ARRB1: variants seen among roughly 807,000 people sequenced by gnomAD.
ARRB1 encodes beta-arrestin-1.
ARRB1 carries 21 observed loss-of-function variants against 56.8 expected under a neutral mutation model. The ratio of observed to expected loss-of-function variants is 0.37; its 90% CI spans 0.26 to 0.53. The LOEUF (loss-of-function observed/expected upper bound fraction) is 0.53, where lower values mean the gene tolerates loss of function less well. ARRB1 is among the 20% of genes least tolerant of loss of function. The pLI, the probability that ARRB1 is intolerant of heterozygous loss-of-function variation, is 0.88. For missense variants in ARRB1, 424 were observed against 553.7 expected, an observed-to-expected ratio of 0.77 and a Z score of 2.35; for synonymous variants, 210 against 218.6, an observed-to-expected ratio of 0.96 and a Z score of 0.35.
At position 75,265,946 on chromosome 11, in the gene ARRB1, G is replaced by A; in HGVS notation, c.*217C>T. 1 of 565,912 alleles carries A rather than the reference G, an allele frequency of 1.8e-6. No homozygotes were observed. Among genetic ancestry groups the A allele is most frequent in the Non-Finnish European group, 3.2e-6 (1 of 315,894 alleles). The allele number at this position is 565,912 out of a possible 1,614,324, so 35.1% of individuals were successfully genotyped here. On this transcript the variant is annotated 3_prime_UTR_variant, in exon 16 of 16. Coordinates refer to ENST00000420843, the MANE Select transcript of ARRB1 (RefSeq NM_004041.5). ...AAAGGAGGGGAGTGGAGATGGCAGA[G>A]ATGGGGTGGAGCCAGTGCGCTGTGG...
intron 14 of ARRB1, among the ~76,000 whole-genome samples, chr11:75,267,913 G>A (rs1479551937): frequency 6.6e-6 from 1 of 152,252 alleles, no homozygotes; most frequent in East Asian, 1.9e-4. Context: ...GGAGGGCCCC[G>A]GATCCCCACT....
At chr11:75,340,876 TGG>T (rs1194122748) in intron 1 of ARRB1, among the ~76,000 whole-genome samples, 1 of 152,094 alleles carries the variant, frequency 6.6e-6, no homozygotes, top group Non-Finnish European at 1.5e-5. Context: ...GAATCTGCCG[TGG>T]GTGAGGGGCC....
intron 1 of ARRB1, among the ~76,000 whole-genome samples, chr11:75,311,431 A>G (rs1434580701): frequency 6.6e-6 from 1 of 152,236 alleles, no homozygotes. Flanking sequence ...GGCTGTTGAG[A>G]AAGTTGCAGA....
At chr11:75,309,141 G>A (rs1342464355) in intron 1 of ARRB1, among the ~76,000 whole-genome samples, 6 of 152,260 alleles carry the variant, frequency 3.9e-5, no homozygotes, top group African/African-American at 1.4e-4. Flanking sequence ...CTCAGAAGGT[G>A]GCCTGGGGAG....
At chr11:75,271,489 T>C (rs1946073134) in intron 13 of ARRB1, 1 of 531,802 alleles carries the variant, frequency 1.9e-6, no homozygotes, top group Non-Finnish European at 3.3e-6. Flanking sequence ...CTTTGCTCTC[T>C]GTAAAGATCC....
chr11:75,314,194 G>C (rs1947222548), intron 1 of ARRB1, among the ~76,000 whole-genome samples: 1 of 152,212 alleles, frequency 6.6e-6, no homozygotes. Context: ...GAAACCATGG[G>C]TCCTGGCCAC....
intron 1 of ARRB1, among the ~76,000 whole-genome samples, chr11:75,328,253 C>T (rs58894572): frequency 3.0e-3 from 462 of 152,284 alleles, no homozygotes; most frequent in African/African-American, 0.011. Context: ...AAGGTTCGTC[C>T]ACTTTATAGC....
intron 8 of ARRB1, among the ~76,000 whole-genome samples, 170 bp from the exon 9 acceptor site, chr11:75,277,618 C>A (rs1221739164): frequency 1.3e-5 from 2 of 152,236 alleles, no homozygotes; most frequent in Non-Finnish European, 2.9e-5. Flanking sequence ...CAGGTTCATG[C>A]CCCCTCTGCC....
At chr11:75,284,568 A>G (rs1477535121) in intron 3 of ARRB1, among the ~76,000 whole-genome samples, 1 of 152,184 alleles carries the variant, frequency 6.6e-6, no homozygotes, top group Non-Finnish European at 1.5e-5. Flanking sequence ...CGAAACTCCT[A>G]GAACCAGGTA....
At chr11:75,315,051 T>TCCACCA (rs993391371) in intron 1 of ARRB1, among the ~76,000 whole-genome samples, 1 of 152,042 alleles carries the variant, frequency 6.6e-6, no homozygotes, top group Admixed American at 6.6e-5. Flanking sequence ...TAGTGCTGCT[T>TCCACCA]CCACCACCAC....
chr11:75,341,789 C>G (rs999678977), intron 1 of ARRB1, among the ~76,000 whole-genome samples: 1 of 152,230 alleles, frequency 6.6e-6, no homozygotes, highest in African/African-American at 2.4e-5. Context: ...GTCCCAAAGA[C>G]AGGACCAAGG....
intron 2 of ARRB1, among the ~76,000 whole-genome samples, chr11:75,289,617 A>C (rs1946557965): frequency 6.6e-6 from 1 of 152,198 alleles, no homozygotes; most frequent in South Asian, 2.1e-4. Context: ...CAAGGAAGCC[A>C]GGCCCTGGGA....
At chr11:75,266,370 C>G (rs1416156186) in intron 15 of ARRB1, 96 bp from the exon 16 acceptor site, 2 of 1,034,162 alleles carry the variant, frequency 1.9e-6, no homozygotes, top group African/African-American at 1.6e-5. Context: ...GAGTATGGCT[C>G]TGGGGCCGGG....
At chr11:75,309,552 G>A (rs494146) in intron 1 of ARRB1, among the ~76,000 whole-genome samples, 58,565 of 152,054 alleles carry the variant, frequency 0.39, 11,492 homozygotes, top group East Asian at 0.6. Context: ...CACAGCAAGC[G>A]GACCCACTGG....
chr11:75,278,570 G>T, intron 8 of ARRB1, 39 bp downstream of exon 8: 1 of 1,612,942 alleles, frequency 6.2e-7, no homozygotes, highest in Non-Finnish European at 8.5e-7. Flanking sequence ...AGGCCCTGGT[G>T]GAGCAGCCCC....
intron 1 of ARRB1, among the ~76,000 whole-genome samples, chr11:75,341,364 G>C (rs515463): frequency 0.44 from 66,842 of 151,772 alleles, 16,423 homozygotes; most frequent in African/African-American, 0.67. Flanking sequence ...TTTCGAACTC[G>C]TGACCTCAGG....
intron 1 of ARRB1, among the ~76,000 whole-genome samples, chr11:75,307,798 T>C (rs939413587): frequency 2.7e-4 from 41 of 152,184 alleles, no homozygotes; most frequent in African/African-American, 9.2e-4. Context: ...ATGTCAGCTG[T>C]GTGTCTGGGC....
Position 75,265,822 on chromosome 11 carries a change from A to C in ARRB1, c.*341T>G. On this transcript the variant is annotated 3_prime_UTR_variant, in exon 16 of 16. Transcript: ENST00000420843. ...ACCCCTCCAAGCCCTCATGCCCACC[A>C]CACCGTGTCCCACATTCCCCATCCT... 1 of 329,426 alleles carries C rather than the reference A, an allele frequency of 3.0e-6. No homozygotes were observed. Among genetic ancestry groups the C allele is most frequent in the Non-Finnish European group, 5.8e-6 (1 of 171,870 alleles). 20.4% of individuals were successfully genotyped at this position (329,426 alleles called of 1,614,324 possible).
intron 13 of ARRB1, chr11:75,270,912 T>A (rs1193774475): frequency 1.3e-5 from 2 of 152,136 alleles, no homozygotes; most frequent in East Asian, 3.8e-4. Flanking sequence ...GGCCTTTTTT[T>A]CCTTCTCTTT....
Sources: gnomAD v4.1 joint callset for allele counts (sites outside exome capture counted in the v4.1 genomes callset) on GRCh38, gnomAD v4.1.1 for gene constraint, MANE v1.5 for transcripts, NCBI Gene and HGNC (gene_info 2026-07-23, HGNC 2026-07-21) for gene names.